RAPGEF6: variants seen among roughly 807,000 people sequenced by gnomAD.
RAPGEF6 encodes the protein Rap guanine nucleotide exchange factor 6, also known as PDZ domain containing guanine nucleotide exchange factor (GEF) 2.
RAPGEF6 carries 56 observed loss-of-function variants against 171.4 expected under a neutral mutation model. The ratio of observed to expected loss-of-function variants is 0.33; its 90% CI spans 0.26 to 0.41. RAPGEF6 has a LOEUF of 0.41. Among genes scored for constraint, RAPGEF6 ranks in the 10% least tolerant of loss-of-function variants. The pLI, the probability that RAPGEF6 is intolerant of heterozygous loss-of-function variation, is 1.00. For synonymous variants in RAPGEF6, 692 were observed against 650.1 expected, an observed-to-expected ratio of 1.06 and a Z score of -0.98; for missense variants, 1,674 against 1,921.4, an observed-to-expected ratio of 0.87 and a Z score of 2.41.
intron 6 of RAPGEF6, among the ~76,000 whole-genome samples, chr5:131,523,688 A>G (rs1758664286): frequency 6.6e-6 from 1 of 152,140 alleles, no homozygotes; most frequent in Admixed American, 6.6e-5. Context: ...AGAGCCTGAG[A>G]AGAGCAAGTA....
chr5:131,489,520 C>T, intron 15 of RAPGEF6, 26 bp downstream of exon 15: 2 of 1,343,702 alleles, frequency 1.5e-6, no homozygotes, highest in Non-Finnish European at 2.1e-6. Flanking sequence ...AGAAAGAGTT[C>T]AGGCAATTTT....
chr5:131,504,957 T>C (rs1399459364), intron 10 of RAPGEF6, among the ~76,000 whole-genome samples, 179 bp from the exon 11 acceptor site: 2 of 152,142 alleles, frequency 1.3e-5, no homozygotes, highest in Non-Finnish European at 2.9e-5. Flanking sequence ...ACTAAAGAAG[T>C]CTAATCTGTT....
intron 21 of RAPGEF6, among the ~76,000 whole-genome samples, chr5:131,452,557 T>C (rs577432728): frequency 7.6e-4 from 115 of 151,106 alleles, no homozygotes; most frequent in South Asian, 6.4e-3. Context: ...CATAGACTAA[T>C]ACTTTACAAA....
chr5:131,588,220 C>T (rs1763375487), intron 4 of RAPGEF6, among the ~76,000 whole-genome samples: 1 of 152,064 alleles, frequency 6.6e-6, no homozygotes, highest in Non-Finnish European at 1.5e-5. Flanking sequence ...ATTGCTTCTA[C>T]CAGTAAACAC....
At position 131,425,891 on chromosome 5, in the gene RAPGEF6, T is replaced by TTTC. The variant is rs1483084224; in HGVS notation, c.*1374_*1375insGAA. 6.7e-6 allele frequency: 1 copy of TTTC among 148,504 alleles called. No individual in the cohort carries two copies. The highest frequency in any genetic ancestry group is 2.5e-5 in the African/African-American group (1 of 40,306). The allele number at this position is 148,504 out of a possible 1,614,324, so 9.2% of individuals were successfully genotyped here. On this transcript the variant is annotated 3_prime_UTR_variant, in exon 28 of 28. Coordinates refer to ENST00000509018, the MANE Select transcript of RAPGEF6 (RefSeq NM_016340.6). ...GTGCACGTTAATGGCTTTGGCTTTT[T>TTTC]TTTTTTTTTTTTTTTTGGTAATTAC...
intron 3 of RAPGEF6, among the ~76,000 whole-genome samples, chr5:131,599,921 C>G (rs1020679340): frequency 6.6e-6 from 1 of 152,144 alleles, no homozygotes; most frequent in African/African-American, 2.4e-5. Flanking sequence ...GTTTCTAATG[C>G]AACACAGTAA....
At chr5:131,462,202 AATATT>A (rs1243482842) in intron 18 of RAPGEF6, 114 bp from the exon 19 acceptor site, 1 of 887,350 alleles carries the variant, frequency 1.1e-6, no homozygotes, top group African/African-American at 1.7e-5. Flanking sequence ...TTTAGCCAAA[AATATT>A]AATTTACAGA....
intron 1 of RAPGEF6, among the ~76,000 whole-genome samples, chr5:131,622,398 C>T (rs1765644644): frequency 6.6e-6 from 1 of 152,216 alleles, no homozygotes; most frequent in Non-Finnish European, 1.5e-5. Flanking sequence ...TGACTGTGAA[C>T]TCTATAACAC....
rs1751557324 is a variant in RAPGEF6, at chr5:131,429,292, T to C, written c.4466-76A>G. The stretch of plus-strand genomic sequence containing the variant: ...AAAAAGAAACCACCCCACAAACTTA[T>C]TACAATGACAAAATACAACTTAAAA... On this transcript the variant is annotated intron_variant, in intron 26 of 27. Transcript: ENST00000509018. 5 of 1,226,200 alleles carry C rather than the reference T, an allele frequency of 4.1e-6. No individual in the cohort carries two copies. In the East Asian group the frequency reaches 9.7e-5, roughly 24 times the overall value. The allele number at this position is 1,226,200 out of a possible 1,614,324, so 76.0% of individuals were successfully genotyped here.
intron 1 of RAPGEF6, among the ~76,000 whole-genome samples, chr5:131,634,660 T>G (rs1464176534): frequency 6.6e-6 from 1 of 152,234 alleles, no homozygotes; most frequent in Admixed American, 6.5e-5. Flanking sequence ...CGAATGGGCA[T>G]CTAACTGCGA....
At position 131,479,639 on chromosome 5, in the gene RAPGEF6, A is replaced by C. The variant is rs754219302; in HGVS notation, c.1955T>G (p.Ile652Ser). The C allele has an allele frequency of 8.7e-6, 14 of 1,614,024 alleles. No individual in the cohort carries two copies. The highest frequency in any genetic ancestry group is 1.7e-4 in the Middle Eastern group (1 of 6,060). Reference sequence around the variant, plus strand: ...TCCTTTCTCCTGTGATGTCTGTTCAATATCTCCTGGCACATGCTGGATAGA... The same window carrying C: ...TCCTTTCTCCTGTGATGTCTGTTCACTATCTCCTGGCACATGCTGGATAGA... ...RHSIQHVPGD[I>S]EQTSQEKGSK... is the part of the protein sequence containing the mutation. Residue 652 changes from isoleucine (I) to serine (S), a missense_variant, in exon 16 of 28, where the codon ATT becomes AGT. Ile to Ser is a moderately radical substitution (Grantham distance 142). Transcript: ENST00000509018.
chr5:131,627,360 C>T (rs1413137079), intron 1 of RAPGEF6, among the ~76,000 whole-genome samples: 1 of 152,130 alleles, frequency 6.6e-6, no homozygotes, highest in African/African-American at 2.4e-5. Flanking sequence ...TAAGACTGTC[C>T]AAGAAACAAA....
intron 17 of RAPGEF6, among the ~76,000 whole-genome samples, chr5:131,468,050 G>C (rs775198958): frequency 6.6e-6 from 1 of 150,510 alleles, no homozygotes; most frequent in Non-Finnish European, 1.5e-5. Context: ...TCTTGGGGTC[G>C]GGCGCAGTGG....
intron 1 of RAPGEF6, among the ~76,000 whole-genome samples, chr5:131,624,488 C>G (rs1765785678): frequency 6.6e-6 from 1 of 152,180 alleles, no homozygotes; most frequent in South Asian, 2.1e-4. Context: ...GTCCTCTTGG[C>G]TGCCAGAAAG....
chr5:131,466,644 T>G (rs1414091387), intron 17 of RAPGEF6, among the ~76,000 whole-genome samples: 1 of 152,178 alleles, frequency 6.6e-6, no homozygotes, highest in Non-Finnish European at 1.5e-5. Flanking sequence ...TCTCTTTGCC[T>G]GCTGTCATCC....
At chr5:131,465,815 T>C (rs544408631) in intron 17 of RAPGEF6, among the ~76,000 whole-genome samples, 2 of 152,058 alleles carry the variant, frequency 1.3e-5, no homozygotes, top group South Asian at 4.1e-4. Context: ...GAATATATAT[T>C]ACTGTGGCTT....
rs184554301 is a variant in RAPGEF6 at position 131,593,488 on chromosome 5, C to T, written c.198-1022G>A. Among the ~76,000 whole-genome samples, 20 of 152,242 alleles carry T rather than the reference C, an allele frequency of 1.3e-4. No individual in the cohort carries two copies. The East Asian group carries it at 1.7e-3, about 13-fold the overall frequency. On this transcript the variant is annotated intron_variant, in intron 3 of 27. Coordinates refer to ENST00000509018, the MANE Select transcript of RAPGEF6 (RefSeq NM_016340.6). ...TAGAAGTGACTTTGGAACTGGGTAA[C>T]GGGCAGAGGCTGGAATGGTTTGGAG... is the stretch of plus-strand genomic sequence containing the variant.
chr5:131,572,403 TC>T (rs1191239652), intron 4 of RAPGEF6, among the ~76,000 whole-genome samples: 1 of 152,130 alleles, frequency 6.6e-6, no homozygotes, highest in Non-Finnish European at 1.5e-5. Context: ...TCAGTTTCTC[TC>T]CCTTCCAGGT....
chr5:131,566,923 G>C (rs1761983503), intron 4 of RAPGEF6, among the ~76,000 whole-genome samples: 2 of 151,710 alleles, frequency 1.3e-5, no homozygotes, highest in South Asian at 4.2e-4. Flanking sequence ...AGCCTGGCCT[G>C]TCTCTACTAA....
Sources: allele counts gnomAD v4.1 joint callset (sites outside exome capture counted in the v4.1 genomes callset), GRCh38; gene constraint gnomAD v4.1.1; transcripts MANE v1.5; gene names NCBI Gene and HGNC (gene_info 2026-07-23, HGNC 2026-07-21).